ZNF804B: variants seen among roughly 807,000 people sequenced by gnomAD.
ZNF804B encodes zinc finger protein 804B.
ZNF804B carries 80 observed loss-of-function variants against 101.4 expected under a neutral mutation model. The observed-to-expected ratio is 0.79, with a 90% CI of 0.66 to 0.95. ZNF804B has a LOEUF of 0.95. ZNF804B is among the 40% of genes least tolerant of loss of function. ZNF804B has a pLI of 0.00. For synonymous variants in ZNF804B, 622 were observed against 558.8 expected, an observed-to-expected ratio of 1.11 and a Z score of -1.59; for missense variants, 1,673 against 1,561.9, an observed-to-expected ratio of 1.07 and a Z score of -1.20.
rs555338908 is a variant in ZNF804B, at chr7:89,205,952, C to A, written c.109-12203C>A. ...CTTCTACCTGGACATACAGGCATTT[C>A]CATACATCCTCTGAAATCTAGGCGG... is the stretch of plus-strand genomic sequence containing the variant. On this transcript the variant is annotated intron_variant, in intron 1 of 3. Coordinates refer to ENST00000333190, the MANE Select transcript of ZNF804B (RefSeq NM_181646.5). Among the ~76,000 whole-genome samples, 5 of 152,328 alleles carry A rather than the reference C, an allele frequency of 3.3e-5. No individual in the cohort carries two copies. The South Asian group carries it at 1.0e-3, about 32-fold the overall frequency.
chr7:88,920,192 A>C (rs910547885), intron 1 of ZNF804B, among the ~76,000 whole-genome samples: 2 of 152,108 alleles, frequency 1.3e-5, no homozygotes, highest in Non-Finnish European at 2.9e-5. Context: ...TCTCCTTCAT[A>C]AAGGCCTGAT....
At chr7:89,148,211 A>G (rs916898626) in intron 1 of ZNF804B, among the ~76,000 whole-genome samples, 1 of 152,096 alleles carries the variant, frequency 6.6e-6, no homozygotes, top group Non-Finnish European at 1.5e-5. Context: ...TATAATATCT[A>G]TATCTTAGGA....
intron 1 of ZNF804B, among the ~76,000 whole-genome samples, chr7:88,823,907 C>T (rs915256992): frequency 9.9e-5 from 15 of 152,052 alleles, no homozygotes; most frequent in African/African-American, 3.6e-4. Context: ...CTATGGTGGC[C>T]ACCCCAGAAA....
chr7:89,128,071 T>C (rs547589316), intron 1 of ZNF804B, among the ~76,000 whole-genome samples: 1 of 152,054 alleles, frequency 6.6e-6, no homozygotes, highest in African/African-American at 2.4e-5. Context: ...GTATTTAGTA[T>C]GTATATCCAA....
chr7:88,920,449 A>G lies in ZNF804B; in HGVS notation c.108+160365A>G, dbSNP rs910657513. Among the ~76,000 whole-genome samples, 6 of 152,224 alleles carry G rather than the reference A, an allele frequency of 3.9e-5. 1 individual carries two copies. In the South Asian group the frequency reaches 6.2e-4, roughly 16 times the overall value. ...CCTATATTTGTGAATAATTTCTTCC[A>G]TAATGTATTAGACAAATTTCAAATT... On this transcript the variant is annotated intron_variant, in intron 1 of 3. Coordinates refer to ENST00000333190, the MANE Select transcript of ZNF804B (RefSeq NM_181646.5).
intron 1 of ZNF804B, among the ~76,000 whole-genome samples, chr7:88,873,220 T>A (rs898425677): frequency 1.3e-5 from 2 of 152,156 alleles, no homozygotes; most frequent in Non-Finnish European, 2.9e-5. Context: ...CTGATGGCCA[T>A]TGATGGTGAG....
At chr7:89,259,525 G>A (rs549900838) in intron 2 of ZNF804B, among the ~76,000 whole-genome samples, 12 of 152,124 alleles carry the variant, frequency 7.9e-5, no homozygotes, top group Non-Finnish European at 1.8e-4. Context: ...CTTTCATGAT[G>A]TATTCTCTAT....
intron 2 of ZNF804B, among the ~76,000 whole-genome samples, chr7:89,247,731 A>G (rs985084036): frequency 6.6e-6 from 1 of 152,144 alleles, no homozygotes; most frequent in African/African-American, 2.4e-5. Context: ...GGATCACAAT[A>G]GCTCTTCAGC....
intron 1 of ZNF804B, among the ~76,000 whole-genome samples, chr7:89,055,386 C>A (rs564979242): frequency 3.7e-4 from 56 of 152,104 alleles, no homozygotes; most frequent in African/African-American, 1.2e-3. Flanking sequence ...ACGCTAAGAT[C>A]TGATTTGTAG....
At chr7:89,033,053 C>A (rs75987542) in intron 1 of ZNF804B, among the ~76,000 whole-genome samples, 3,934 of 146,908 alleles carry the variant, frequency 0.027, 170 homozygotes, top group African/African-American at 0.087. Flanking sequence ...AAAAAAAAAA[C>A]CGTATCCCTC....
chr7:89,226,721 C>T (rs184768763), intron 2 of ZNF804B, among the ~76,000 whole-genome samples: 5 of 152,126 alleles, frequency 3.3e-5, no homozygotes, highest in Admixed American at 6.5e-5. Flanking sequence ...AATAAATACT[C>T]GGAATTTACA....
chr7:89,249,715 G>A (rs1415061255), intron 2 of ZNF804B, among the ~76,000 whole-genome samples: 12 of 151,972 alleles, frequency 7.9e-5, no homozygotes, highest in East Asian at 1.9e-4. Context: ...ATCAAACATC[G>A]CACCTACAGG....
intron 1 of ZNF804B, chr7:88,794,533 T>C: frequency 3.1e-6 from 5 of 1,613,696 alleles, no homozygotes; most frequent in Non-Finnish European, 4.2e-6. Flanking sequence ...CATTGGAATG[T>C]TATGAGAAAT....
chr7:89,206,806 A>C (rs10264899), intron 1 of ZNF804B, among the ~76,000 whole-genome samples: 89,581 of 152,040 alleles, frequency 0.59, 26,903 homozygotes, highest in African/African-American at 0.63. Context: ...TTTTAACAGC[A>C]CCCAAGTCAG....
At chr7:88,913,750 C>T (rs1031962055) in intron 1 of ZNF804B, among the ~76,000 whole-genome samples, 4 of 152,190 alleles carry the variant, frequency 2.6e-5, no homozygotes, top group African/African-American at 7.2e-5. Flanking sequence ...GTGTTGTCCT[C>T]TACATGACAC....
chr7:89,022,896 T>A (rs1263282706), intron 1 of ZNF804B, among the ~76,000 whole-genome samples: 1 of 152,142 alleles, frequency 6.6e-6, no homozygotes, highest in Non-Finnish European at 1.5e-5. Flanking sequence ...CCCATGTTAA[T>A]TCATAAGAAA....
chr7:88,937,115 C>A (rs373512655), intron 1 of ZNF804B, among the ~76,000 whole-genome samples: 70 of 110,800 alleles, frequency 6.3e-4, no homozygotes, highest in Admixed American at 8.0e-4. Context: ...ATGAGAATAG[C>A]AAAAAAAAAA....
At chr7:88,860,846 A>C (rs1791634238) in intron 1 of ZNF804B, among the ~76,000 whole-genome samples, 1 of 152,208 alleles carries the variant, frequency 6.6e-6, no homozygotes, top group African/African-American at 2.4e-5. Context: ...TGGCATCGTC[A>C]AATGCCATTT....
At chr7:89,065,652 T>A (rs535475565) in intron 1 of ZNF804B, among the ~76,000 whole-genome samples, 58 of 152,132 alleles carry the variant, frequency 3.8e-4, no homozygotes, top group Admixed American at 7.9e-4. Context: ...AAAACCAAAG[T>A]GTTGGCAGGC....
Sources: gnomAD v4.1 joint callset for allele counts (sites outside exome capture counted in the v4.1 genomes callset) on GRCh38, gnomAD v4.1.1 for gene constraint, MANE v1.5 for transcripts, NCBI Gene and HGNC (gene_info 2026-07-23, HGNC 2026-07-21) for gene names.